NCMAP: variants seen among roughly 807,000 people sequenced by gnomAD.
The protein encoded by NCMAP is non-compact myelin associated protein.
Under a neutral mutation model 7.8 loss-of-function variants are expected in NCMAP, and 8 were observed. That is an observed-to-expected ratio of 1.02 (90% CI 0.60 to 1.84). NCMAP has a LOEUF of 1.84. Among genes scored for constraint, NCMAP ranks in the 40% most tolerant of loss-of-function variants. NCMAP has a pLI of 0.00. For synonymous variants in NCMAP, 41 were observed against 52.9 expected (o/e 0.78, Z 0.98); for missense variants, 112 against 131.4 (o/e 0.85, Z 0.72).
chr1:24,597,647 G>GAAAGAAAGAAAAGAA (rs1480057523), intron 2 of NCMAP, among the ~76,000 whole-genome samples: 3 of 131,058 alleles, frequency 2.3e-5, no homozygotes, highest in Non-Finnish European at 3.2e-5. Flanking sequence ...AAGAAAGAAA[G>GAAAGAAAGAAAAGAA]AAAGAAAGAA....
At chr1:24,586,029 G>A (rs1651870679) in intron 1 of NCMAP, among the ~76,000 whole-genome samples, 1 of 152,196 alleles carries the variant, frequency 6.6e-6, no homozygotes, top group Admixed American at 6.5e-5. Flanking sequence ...GCGAAGAAGG[G>A]CTGGGAACTG....
At chr1:24,558,996 A>C (rs909588275) in intron 1 of NCMAP, among the ~76,000 whole-genome samples, 1 of 152,234 alleles carries the variant, frequency 6.6e-6, no homozygotes, top group Non-Finnish European at 1.5e-5. Flanking sequence ...GATGAAAAGA[A>C]AGACCCCAAA....
chr1:24,561,574 C>G (rs534131700), intron 1 of NCMAP, among the ~76,000 whole-genome samples: 1 of 152,268 alleles, frequency 6.6e-6, no homozygotes, highest in Non-Finnish European at 1.5e-5. Flanking sequence ...AGGCCCTTCA[C>G]TGTGGAAGCT....
chr1:24,567,162 C>T (rs780496016), intron 1 of NCMAP, among the ~76,000 whole-genome samples: 5 of 152,148 alleles, frequency 3.3e-5, no homozygotes, highest in Non-Finnish European at 4.4e-5. Flanking sequence ...GCAGCCCATA[C>T]GCACACATGC....
chr1:24,603,735 C>A lies in NCMAP; in HGVS notation c.168-1871C>A, dbSNP rs551881716. Among the ~76,000 whole-genome samples, 6 of 152,166 alleles carry A rather than the reference C, an allele frequency of 3.9e-5. No homozygotes were observed. In the South Asian group the frequency reaches 1.2e-3, roughly 32 times the overall value. On this transcript the variant is annotated intron_variant, in intron 3 of 3. Transcript: ENST00000374392. ...TAGGAGTGCAGTGGCATGATGCCTG[C>A]AACTCACAAATGGTTCACGGTTCTA...
At chr1:24,587,683 T>G (rs1251072934) in intron 1 of NCMAP, among the ~76,000 whole-genome samples, 1 of 151,960 alleles carries the variant, frequency 6.6e-6, no homozygotes, top group Admixed American at 6.6e-5. Context: ...CCGGCTAATT[T>G]TTGTATTTTT....
intron 2 of NCMAP, among the ~76,000 whole-genome samples, chr1:24,598,594 T>C (rs1447341856): frequency 1.3e-5 from 2 of 152,086 alleles, no homozygotes; most frequent in African/African-American, 4.8e-5. Context: ...ATTGGGTGGA[T>C]GTATGTAATC....
At chr1:24,564,866 T>A (rs1487142164) in intron 1 of NCMAP, among the ~76,000 whole-genome samples, 2 of 151,992 alleles carry the variant, frequency 1.3e-5, no homozygotes, top group Non-Finnish European at 2.9e-5. Context: ...GTCAAAGAAG[T>A]GATGTCACTA....
chr1:24,593,923 ACT>A (rs1431391252), intron 1 of NCMAP, among the ~76,000 whole-genome samples: 12 of 151,504 alleles, frequency 7.9e-5, no homozygotes, highest in African/African-American at 2.9e-4. Context: ...AGACAGAGTG[ACT>A]CTGTCGCCCA....
intron 2 of NCMAP, among the ~76,000 whole-genome samples, chr1:24,600,118 G>A (rs1327008105): frequency 6.6e-6 from 1 of 151,396 alleles, no homozygotes; most frequent in Non-Finnish European, 1.5e-5. Context: ...TTACAGATGT[G>A]AGCCACTGCA....
At chr1:24,574,377 G>A (rs1036724801) in intron 1 of NCMAP, among the ~76,000 whole-genome samples, 2 of 149,756 alleles carry the variant, frequency 1.3e-5, no homozygotes, top group South Asian at 2.1e-4. Context: ...CCTCGGCCTC[G>A]CAAAGTGCTG....
chr1:24,557,505 G>A (rs935581073), intron 1 of NCMAP, among the ~76,000 whole-genome samples: 30 of 152,132 alleles, frequency 2.0e-4, no homozygotes, highest in Admixed American at 2.0e-3. Context: ...GACAGGCACA[G>A]CCAGAGCACC....
At chr1:24,596,835 G>A (rs1010781027) in intron 2 of NCMAP, among the ~76,000 whole-genome samples, 1 of 152,168 alleles carries the variant, frequency 6.6e-6, no homozygotes, top group Non-Finnish European at 1.5e-5. Context: ...TAGTGGCCCC[G>A]GAAGGAAAAA....
At chr1:24,597,694 G>GAAAGAGAAAGAAGGAA (rs138105001) in intron 2 of NCMAP, among the ~76,000 whole-genome samples, 19,929 of 122,384 alleles carry the variant, frequency 0.16, 2,404 homozygotes, top group East Asian at 0.32. Flanking sequence ...AAGAAAGAAA[G>GAAAGAGAAAGAAGGAA]AGAAAGAAGG....
chr1:24,566,611 G>T (rs1454875574), intron 1 of NCMAP, among the ~76,000 whole-genome samples: 1 of 152,190 alleles, frequency 6.6e-6, no homozygotes, highest in Non-Finnish European at 1.5e-5. Context: ...TAGCAAGTTG[G>T]AAATGATCAT....
chr1:24,577,399 T>C (rs1157031224), intron 1 of NCMAP, among the ~76,000 whole-genome samples: 1 of 108,708 alleles, frequency 9.2e-6, no homozygotes, highest in African/African-American at 3.7e-5. Flanking sequence ...GGCACTGGCC[T>C]TGTTTTTTTT....
At position 24,559,749 on chromosome 1, in the gene NCMAP, C is replaced by T. The variant is rs1650994788; in HGVS notation, c.-8+3580C>T. Among the ~76,000 whole-genome samples, 5 of 152,162 alleles carry T rather than the reference C, an allele frequency of 3.3e-5. No homozygotes were observed. The South Asian group carries it at 1.0e-3, about 32-fold the overall frequency. On this transcript the variant is annotated intron_variant, in intron 1 of 3. Coordinates refer to ENST00000374392, the MANE Select transcript of NCMAP (RefSeq NM_001010980.5). ...GAGGGCTTTGCTCCAAGTAACAGCC[C>T]CGAGGAGGCAGAGATGAGCAGGGCG...
At chr1:24,577,632 TG>T (rs888632995) in intron 1 of NCMAP, among the ~76,000 whole-genome samples, 1 of 151,950 alleles carries the variant, frequency 6.6e-6, no homozygotes, top group African/African-American at 2.4e-5. Flanking sequence ...GGCACTCATT[TG>T]GAGTTGAATT....
intron 1 of NCMAP, among the ~76,000 whole-genome samples, chr1:24,580,190 G>T (rs1651702588): frequency 6.6e-6 from 1 of 152,232 alleles, no homozygotes; most frequent in Admixed American, 6.5e-5. Flanking sequence ...AGCCACGGCG[G>T]GTACTGGGCA....
Sources: allele counts gnomAD v4.1 joint callset (sites outside exome capture counted in the v4.1 genomes callset), GRCh38; gene constraint gnomAD v4.1.1; transcripts MANE v1.5; gene names NCBI Gene and HGNC (gene_info 2026-07-23, HGNC 2026-07-21).